Variants in AHDC1 observed in about 807,000 individuals in gnomAD.
The protein encoded by AHDC1 is transcription factor Gibbin.
A neutral mutation model predicts 87.9 loss-of-function variants in AHDC1; 7 were observed. That is an observed-to-expected ratio of 0.08 (90% CI 0.05 to 0.15). The LOEUF (loss-of-function observed/expected upper bound fraction) is 0.15, where lower values mean the gene tolerates loss of function less well. Among genes scored for constraint, AHDC1 ranks in the 10% least tolerant of loss-of-function variants. The probability of loss-of-function intolerance (pLI) is 1.00; values close to 1 mark genes in which losing one functional copy is unlikely to be tolerated. For missense variants in AHDC1, 1,841 were observed against 2,253.2 expected, an observed-to-expected ratio of 0.82 and a Z score of 3.70; for synonymous variants, 1,051 against 1,006.8, an observed-to-expected ratio of 1.04 and a Z score of -0.83.
rs1553157791 is a variant in AHDC1 at position 27,547,443 on chromosome 1, GGCA to G, written c.4670_4672del (p.Leu1557del). ...GTACCTGTAGGCGGTGTCCTGCAGG[GGCA>G]GCAGCGAGTCCCTCGGCACGGGGGA... On this transcript the variant is annotated inframe_deletion, in exon 8 of 9. Coordinates refer to ENST00000673934, the MANE Select transcript of AHDC1 (RefSeq NM_001371928.1). This position sits in a 1 kb window ranked among gnomAD's most constrained non-coding sequence, Gnocchi z 4.9. The G allele has an allele frequency of 1.9e-6, 3 of 1,589,196 alleles. No homozygotes were observed. Among genetic ancestry groups the G allele is most frequent in the Non-Finnish European group, 2.6e-6 (3 of 1,162,684 alleles).
At chr1:27,580,843 GT>G (rs1192503409) in intron 3 of AHDC1, among the ~76,000 whole-genome samples, 4 of 149,214 alleles carry the variant, frequency 2.7e-5, no homozygotes, top group South Asian at 2.1e-4. Flanking sequence ...AAAAACTTGG[GT>G]TTTTTTTTTG....
intron 8 of AHDC1, among the ~76,000 whole-genome samples, chr1:27,543,817 C>T (rs988195726): frequency 6.6e-6 from 1 of 152,100 alleles, no homozygotes; most frequent in African/African-American, 2.4e-5. Flanking sequence ...CAGTGGTGCG[C>T]CCCTGTAATC....
rs1245595554 is a variant in AHDC1 at position 27,551,803 on chromosome 1, T to G, written c.313A>C (p.Ser105Arg). The G allele has an allele frequency of 3.7e-6, 6 of 1,612,682 alleles. No homozygotes were observed. Among genetic ancestry groups the G allele is most frequent in the Non-Finnish European group, 5.1e-6 (6 of 1,179,876 alleles). ...ARCPTPVGDG[S>R]SSRRCWDNGR... ...TTGTCCCAGCAGCGTCGGGAGCTGCTGCCGTCTCCGACCGGTGTGGGGCAG... is the reference window on the plus strand; with the variant it reads ...TTGTCCCAGCAGCGTCGGGAGCTGCGGCCGTCTCCGACCGGTGTGGGGCAG... Residue 105 changes from serine to arginine, a missense_variant, in exon 8 of 9, where the codon AGC (serine) becomes CGC (arginine). Physicochemically the swap from Ser to Arg is moderately radical, Grantham distance 110. This residue lies in a region of AHDC1 where 142 missense variants were observed against 165.6 expected (regional missense o/e 0.86). Transcript: ENST00000673934.
At position 27,550,795 on chromosome 1, in the gene AHDC1, G is replaced by A. The variant is rs993286348; in HGVS notation, c.1321C>T (p.Pro441Ser). 8.3e-6 allele frequency: 13 copies of A among 1,566,936 alleles called. No individual in the cohort carries two copies. The highest frequency in any genetic ancestry group is 1.1e-5 in the Non-Finnish European group (13 of 1,156,872). ...GGGACTGAGACCGGGCCTGGGCCTGGCAGGGCAGGGGGTGGAGGAGGCGGT... is the reference window on the plus strand; with the variant it reads ...GGGACTGAGACCGGGCCTGGGCCTGACAGGGCAGGGGGTGGAGGAGGCGGT... ...PPPPPPPPAL[P>S]GPGPVSVPEL... The change falls in exon 8 of 9, where the codon CCA (proline) becomes TCA (serine). Residue 441 changes from proline to serine, a missense_variant. By Grantham distance (74) the Pro-to-Ser change is moderately conservative. Coordinates refer to ENST00000673934, the MANE Select transcript of AHDC1 (RefSeq NM_001371928.1).
At chr1:27,585,644 T>C (rs74063750) in intron 3 of AHDC1, among the ~76,000 whole-genome samples, 2,055 of 152,284 alleles carry the variant, frequency 0.013, 39 homozygotes, top group African/African-American at 0.048. Context: ...TAGCAGAGAC[T>C]GCACACCTTC....
intron 7 of AHDC1, 121 bp from the exon 8 acceptor site, chr1:27,552,310 C>T (rs1419451197): frequency 1.1e-6 from 1 of 936,688 alleles, no homozygotes; most frequent in Non-Finnish European, 1.4e-6. Flanking sequence ...ACCAAGCTCC[C>T]CTCCCCACCC....
chr1:27,568,554 G>A (rs1571286877), intron 3 of AHDC1, among the ~76,000 whole-genome samples: 1 of 152,106 alleles, frequency 6.6e-6, no homozygotes, highest in Non-Finnish European at 1.5e-5. Context: ...CTCCACCCAC[G>A]GCGCGTCCCG....
Position 27,593,739 on chromosome 1 carries a change from G to A in AHDC1, c.-629+9658C>T, listed in dbSNP as rs182932394. Among the ~76,000 whole-genome samples, 2 of 152,360 alleles carry A rather than the reference G, an allele frequency of 1.3e-5. No homozygotes were observed. The highest frequency in any genetic ancestry group is 1.3e-4 in the Admixed American group (2 of 15,306). Reference sequence around the variant, plus strand: ...CCAATCCCTGCTATCCCCCCAGGGTGGGCAGACAGCTGGGCTAAGCCAGTG... The same window carrying A: ...CCAATCCCTGCTATCCCCCCAGGGTAGGCAGACAGCTGGGCTAAGCCAGTG... On this transcript the variant is annotated intron_variant, in intron 3 of 8. Coordinates refer to ENST00000673934, the MANE Select transcript of AHDC1 (RefSeq NM_001371928.1). This position sits in a 1 kb window ranked among gnomAD's most constrained non-coding sequence, Gnocchi z 4.9.
At chr1:27,566,609 G>A (rs1403786047) in intron 3 of AHDC1, among the ~76,000 whole-genome samples, 1 of 147,060 alleles carries the variant, frequency 6.8e-6, no homozygotes. Context: ...GGGGTGGGAA[G>A]AGGGGGTGAC....
intron 8 of AHDC1, among the ~76,000 whole-genome samples, chr1:27,539,093 C>G (rs528019536): frequency 6.6e-6 from 1 of 150,482 alleles, no homozygotes; most frequent in East Asian, 2.0e-4. Context: ...GATGGGGAGG[C>G]TGTGTTTGTG....
At chr1:27,568,981 C>CG (rs1053203213) in intron 3 of AHDC1, among the ~76,000 whole-genome samples, 1 of 152,072 alleles carries the variant, frequency 6.6e-6, no homozygotes, top group Non-Finnish European at 1.5e-5. Flanking sequence ...GGGTGGGGCG[C>CG]GGGGGGCTGG....
At chr1:27,567,078 C>T (rs1219504379) in intron 3 of AHDC1, among the ~76,000 whole-genome samples, 2 of 152,120 alleles carry the variant, frequency 1.3e-5, no homozygotes, top group Non-Finnish European at 2.9e-5. Flanking sequence ...GTGCACTGCT[C>T]TCCAGGCCGT....
chr1:27,536,203 C>A (rs918422266), intron 8 of AHDC1, among the ~76,000 whole-genome samples: 8 of 152,234 alleles, frequency 5.3e-5, no homozygotes, highest in African/African-American at 1.7e-4. Flanking sequence ...TTCTGCTCAG[C>A]CTCGGCTGCT....
Position 27,550,231 on chromosome 1 carries a change from C to A in AHDC1, c.1885G>T (p.Ala629Ser). The A allele has an allele frequency of 6.2e-7, 1 of 1,613,732 alleles. No individual in the cohort carries two copies. The highest frequency in any genetic ancestry group is 1.1e-5 in the South Asian group (1 of 91,088). ...LAFLNRQSQC[A>S]GRCSPPRCWT... ...CAGCGGGGCGGTGAGCACCGTCCAG[C>A]GCACTGGCTCTGGCGGTTCAGGAAG... Residue 629 changes from alanine to serine, a missense_variant, in exon 8 of 9, where the codon GCT becomes TCT. Ala to Ser is a moderately conservative substitution (Grantham distance 99). Around this residue, in one of 13 missense-constraint regions of AHDC1, gnomAD observed 84 missense variants for 111.7 expected, o/e 0.75. Transcript: ENST00000673934.
chr1:27,547,587 G>C lies in AHDC1; in HGVS notation c.4529C>G (p.Ala1510Gly). 1 of 1,607,628 alleles carries C rather than the reference G, an allele frequency of 6.2e-7. No individual in the cohort carries two copies. The highest frequency in any genetic ancestry group is 8.5e-7 in the Non-Finnish European group (1 of 1,177,768). Residue 1510 changes from alanine to glycine, a missense_variant, in exon 8 of 9, where the codon GCC becomes GGC. Coordinates refer to ENST00000673934, the MANE Select transcript of AHDC1 (RefSeq NM_001371928.1). The surrounding 1 kb of genome is among the most constrained non-coding windows in gnomAD (Gnocchi z 4.9). ...TGGCTCCTTGTCGGCCTTGGGCGTG[G>C]CTGGTGGGCTAGCCAGGTGAGGGGC... ...LSAPHLASPP[A>G]TPKADKEPLE...
chr1:27,548,983 G>C lies in AHDC1; in HGVS notation c.3133C>G (p.Pro1045Ala). 2.6e-6 allele frequency: 4 copies of C among 1,565,138 alleles called. No homozygotes were observed. The highest frequency in any genetic ancestry group is 3.5e-6 in the Non-Finnish European group (4 of 1,154,352). The change falls in exon 8 of 9, where the codon CCC (proline) becomes GCC (alanine). Residue 1045 changes from proline to alanine, a missense_variant. Physicochemically the swap from Pro to Ala is conservative, Grantham distance 27. Transcript: ENST00000673934. ...GGCGTGGGGGCTGAACCAGAGAAGGGGGCCCCCTCAGAGCTGCTGAAGAAG... is the reference window on the plus strand; with the variant it reads ...GGCGTGGGGGCTGAACCAGAGAAGGCGGCCCCCTCAGAGCTGCTGAAGAAG... ...ASFFSSSEGA[P>A]FSGSAPTPLR...
At chr1:27,581,728 G>A (rs1043185856) in intron 3 of AHDC1, among the ~76,000 whole-genome samples, 6 of 152,118 alleles carry the variant, frequency 3.9e-5, no homozygotes, top group South Asian at 2.1e-4. Flanking sequence ...ATGACTCTGC[G>A]TGTCTGCCCT....
intron 3 of AHDC1, among the ~76,000 whole-genome samples, chr1:27,575,137 A>T (rs2088677673): frequency 6.6e-6 from 1 of 152,058 alleles, no homozygotes; most frequent in African/African-American, 2.4e-5. Context: ...CAGGCCCAGC[A>T]CTTCTCAGGG....
upstream of AHDC1, chr1:27,604,183 C>G (rs1010642243): frequency 2.9e-4 from 45 of 152,656 alleles, no homozygotes; most frequent in African/African-American, 1.1e-3. Flanking sequence ...CATCCGGAAC[C>G]CCAGGGGGGA....
Sources: gnomAD v4.1 joint callset for allele counts (sites outside exome capture counted in the v4.1 genomes callset) on GRCh38, gnomAD v4.1.1 for gene constraint, gnomAD v4.1.1 regional missense constraint, Gnocchi (gnomAD v3.1) non-coding constraint, MANE v1.5 for transcripts, NCBI Gene and HGNC (gene_info 2026-07-23, HGNC 2026-07-21) for gene names.